The following SLC35F6 variants were observed in gnomAD, a reference collection of about 807,000 sequenced individuals.
SLC35F6 encodes the protein ANT2-binding protein.
A neutral mutation model predicts 29.4 loss-of-function variants in SLC35F6; 26 were observed. The observed-to-expected ratio is 0.89, with a 90% CI of 0.65 to 1.23. The LOEUF is 1.23. Among genes scored for constraint, SLC35F6 ranks in the 50% most tolerant of loss-of-function variants. SLC35F6 has a pLI of 0.00. For synonymous variants in SLC35F6, 174 were observed against 206.6 expected (o/e 0.84, Z 1.35); for missense variants, 428 against 487.8 (o/e 0.88, Z 1.15).
chr2:26,775,451 T>A lies in SLC35F6; in HGVS notation c.323-13T>A. 6.2e-7 allele frequency: 1 copy of A among 1,608,974 alleles called. No homozygotes were observed. The highest frequency in any genetic ancestry group is 1.1e-5 in the South Asian group (1 of 90,936). ...CTTGGGAAGCTAACTGTAATTTGTT[T>A]CTCCTTTCCTAGCTCTGAACATGAC... On this transcript the variant is annotated splice_polypyrimidine_tract_variant and intron_variant, in intron 3 of 5. Transcript: ENST00000344420. The surrounding 1 kb of genome is among the most constrained non-coding windows in gnomAD (Gnocchi z 4.6).
In SLC35F6 at chr2:26,778,537, C is replaced by G. The variant is rs763805131; in HGVS notation, c.*26C>G. On this transcript the variant is annotated 3_prime_UTR_variant, in exon 6 of 6. Coordinates refer to ENST00000344420, the MANE Select transcript of SLC35F6 (RefSeq NM_017877.4). ...GGTTCCCTGGAGGCTTCTACTGCCACCCGGGTGCTCCTTCTCCCTGAGACT... is the reference window on the plus strand; with the variant it reads ...GGTTCCCTGGAGGCTTCTACTGCCAGCCGGGTGCTCCTTCTCCCTGAGACT... The G allele has an allele frequency of 4.5e-6, 7 of 1,543,872 alleles. No homozygotes were observed. In the African/African-American group the frequency reaches 9.6e-5, roughly 21 times the overall value.
Position 26,778,466 on chromosome 2 carries a change from G to C in SLC35F6, c.1071G>C (p.Glu357Asp). 6.2e-7 allele frequency: 1 copy of C among 1,613,272 alleles called. No individual in the cohort carries two copies. Among genetic ancestry groups the C allele is most frequent in the East Asian group, 2.2e-5 (1 of 44,850 alleles). Residue 357 changes from glutamate to aspartate, a missense_variant, in exon 6 of 6, where the codon GAG (glutamate) becomes GAC (aspartate). Physicochemically the swap from Glu to Asp is conservative, Grantham distance 45. Transcript: ENST00000344420. The part of the protein sequence containing the change: ...GRPLAEESEQ[E>D]RLLGGTRTPI... The stretch of plus-strand genomic sequence containing the variant: ...CCCTGGCAGAGGAGAGCGAGCAGGA[G>C]AGACTGCTGGGTGGCACCCGCACTC...
chr2:26,769,714 G>C (rs1438809482), intron 1 of SLC35F6, among the ~76,000 whole-genome samples: 1 of 152,242 alleles, frequency 6.6e-6, no homozygotes, highest in African/African-American at 2.4e-5. Flanking sequence ...CAGCAGGACA[G>C]GTTCCAGACG....
intron 1 of SLC35F6, among the ~76,000 whole-genome samples, chr2:26,772,518 G>A (rs1003490092): frequency 3.3e-5 from 5 of 152,316 alleles, no homozygotes; most frequent in African/African-American, 9.6e-5. Flanking sequence ...TGTTACTGAT[G>A]CATTTGGAGC....
At chr2:26,764,711 C>G in intron 1 of SLC35F6, 2 of 835,116 alleles carry the variant, frequency 2.4e-6, no homozygotes, top group Non-Finnish European at 1.4e-6. Context: ...TTCCACGGCC[C>G]TTCCAGTGCT....
intron 1 of SLC35F6, among the ~76,000 whole-genome samples, chr2:26,769,619 G>A (rs1006747362): frequency 6.6e-6 from 1 of 152,346 alleles, no homozygotes; most frequent in Admixed American, 6.5e-5. Flanking sequence ...TCAGCTGATG[G>A]CTGAGTTTCT....
chr2:26,775,786 T>C lies in SLC35F6; in HGVS notation c.535+110T>C. ...CATGTGCCATATACCAAGCCCTGGG[T>C]GAGGTGGGTAGCTCTGGAGGTGATG... On this transcript the variant is annotated intron_variant, in intron 4 of 5. Coordinates refer to ENST00000344420, the MANE Select transcript of SLC35F6 (RefSeq NM_017877.4). This position sits in a 1 kb window ranked among gnomAD's most constrained non-coding sequence, Gnocchi z 4.6. 8.1e-7 allele frequency: 1 copy of C among 1,234,802 alleles called. No homozygotes were observed. The highest frequency in any genetic ancestry group is 1.1e-6 in the Non-Finnish European group (1 of 912,084). 76.5% of individuals were successfully genotyped at this position (1,234,802 alleles called of 1,614,324 possible).
In SLC35F6 at chr2:26,774,286, G is replaced by A; in HGVS notation, c.113G>A (p.Gly38Glu). The change falls in exon 2 of 6, where the codon GGG (glycine) becomes GAG (glutamate). Residue 38 changes from glycine to glutamate, a missense_variant. Gly to Glu is a moderately conservative substitution (Grantham distance 98, BLOSUM62 -2). Coordinates refer to ENST00000344420, the MANE Select transcript of SLC35F6 (RefSeq NM_017877.4). ...AATTTCATGGCCGAGGGCTGTGGAGGGAGCAAGGAGCACAGCTTCCAGCAT... is the reference window on the plus strand; with the variant it reads ...AATTTCATGGCCGAGGGCTGTGGAGAGAGCAAGGAGCACAGCTTCCAGCAT... ...ADNFMAEGCG[G>E]SKEHSFQHPF... 2 of 1,614,132 alleles carry A rather than the reference G, an allele frequency of 1.2e-6. No homozygotes were observed. The highest frequency in any genetic ancestry group is 1.1e-5 in the South Asian group (1 of 91,074).
At chr2:26,777,902 G>A in intron 5 of SLC35F6, 140 bp from the exon 6 acceptor site, 1 of 739,760 alleles carries the variant, frequency 1.4e-6, no homozygotes. Flanking sequence ...CCTGATGAGA[G>A]ACTGAGGGAC....
chr2:26,769,871 C>T (rs898831872), intron 1 of SLC35F6, among the ~76,000 whole-genome samples: 1 of 152,146 alleles, frequency 6.6e-6, no homozygotes, highest in Non-Finnish European at 1.5e-5. Flanking sequence ...TGTATATATC[C>T]TTATATCATG....
chr2:26,776,308 A>C (rs569958045), intron 4 of SLC35F6, 64 bp from the exon 5 acceptor site: 5 of 1,497,040 alleles, frequency 3.3e-6, no homozygotes, highest in African/African-American at 1.4e-5. Context: ...CGCTGTGGCC[A>C]TGCTCTCCTG....
chr2:26,764,490 C>T (rs778523131), intron 1 of SLC35F6, 64 bp downstream of exon 1: 7 of 1,528,986 alleles, frequency 4.6e-6, no homozygotes, highest in Non-Finnish European at 5.3e-6. Flanking sequence ...TACGCCTTCC[C>T]CCTTCTTGGC....
chr2:26,764,353 G>A lies in SLC35F6; in HGVS notation c.4G>A (p.Ala2Thr). 6.4e-7 allele frequency: 1 copy of A among 1,550,736 alleles called. No individual in the cohort carries two copies. The highest frequency in any genetic ancestry group is 8.7e-7 in the Non-Finnish European group (1 of 1,146,818). Residue 2 changes from alanine (A) to threonine (T), a missense_variant, in exon 1 of 6, where the codon GCC becomes ACC. By Grantham distance (58) the Ala-to-Thr change is moderately conservative. Transcript: ENST00000344420. MAWTKYQLFLAG... is the reference protein window; with the variant it reads MTWTKYQLFLAG... ...GCGAACCCCAGCGTCCGCCGACATG[G>A]CCTGGACCAAGTACCAGCTGTTCCT...
chr2:26,778,978 C>T lies in SLC35F6; in HGVS notation c.*467C>T, dbSNP rs1664358455. On this transcript the variant is annotated 3_prime_UTR_variant, in exon 6 of 6. Coordinates refer to ENST00000344420, the MANE Select transcript of SLC35F6 (RefSeq NM_017877.4). ...TTTGAGACAGAGTCTCGCTCTGTCG[C>T]CCAGGCTGGAGTGCAGTGGCACGAT... is the stretch of plus-strand genomic sequence containing the variant. 1 of 152,996 alleles carries T rather than the reference C, an allele frequency of 6.5e-6. No homozygotes were observed. Among genetic ancestry groups the T allele is most frequent in the South Asian group, 2.1e-4 (1 of 4,866 alleles). The allele number at this position is 152,996 out of a possible 1,614,324, so 9.5% of individuals were successfully genotyped here. A position where few individuals can be genotyped will look rare whatever the true frequency, so the allele number is the denominator to read the frequency against.
chr2:26,774,111 A>C (rs1664253462), intron 1 of SLC35F6, 140 bp from the exon 2 acceptor site: 1 of 800,922 alleles, frequency 1.2e-6, no homozygotes, highest in African/African-American at 1.7e-5. Flanking sequence ...TGAGGTGAAG[A>C]CTGACCCCTT....
intron 1 of SLC35F6, chr2:26,765,036 G>T (rs2148053419): frequency 1.0e-6 from 1 of 982,028 alleles, no homozygotes; most frequent in African/African-American, 1.7e-5. Context: ...GTGCTTTTGA[G>T]CTGGGGAATG....
chr2:26,775,295 C>T lies in SLC35F6; in HGVS notation c.322+80C>T. 2 of 1,547,964 alleles carry T rather than the reference C, an allele frequency of 1.3e-6. No homozygotes were observed. The highest frequency in any genetic ancestry group is 8.7e-7 in the Non-Finnish European group (1 of 1,144,594). On this transcript the variant is annotated intron_variant, in intron 3 of 5. Coordinates refer to ENST00000344420, the MANE Select transcript of SLC35F6 (RefSeq NM_017877.4). This position sits in a 1 kb window ranked among gnomAD's most constrained non-coding sequence, Gnocchi z 4.6. ...CTACTGGTGAAACAGCCCTATCCCA[C>T]CCACCTCCACTTCATCCCACCATTC...
At chr2:26,766,542 G>A (rs1264616114) in intron 1 of SLC35F6, among the ~76,000 whole-genome samples, 1 of 152,120 alleles carries the variant, frequency 6.6e-6, no homozygotes. Context: ...AGGTTGCAAT[G>A]AGCCAAGATT....
chr2:26,768,218 A>G (rs2148054879), intron 1 of SLC35F6, among the ~76,000 whole-genome samples: 1 of 152,248 alleles, frequency 6.6e-6, no homozygotes, highest in South Asian at 2.1e-4. Context: ...AGTGTAGTAG[A>G]GTGGGAAGTT....
Sources: allele counts gnomAD v4.1 joint callset (sites outside exome capture counted in the v4.1 genomes callset), GRCh38; gene constraint gnomAD v4.1.1; non-coding constraint Gnocchi (gnomAD v3.1); transcripts MANE v1.5; gene names NCBI Gene and HGNC (gene_info 2026-07-23, HGNC 2026-07-21).